Variants in RHOBTB1 observed in about 807,000 individuals in gnomAD.
The protein encoded by RHOBTB1 is rho-related BTB domain-containing protein 1.
Under a neutral mutation model 71.6 loss-of-function variants are expected in RHOBTB1, and 40 were observed. The ratio of observed to expected loss-of-function variants is 0.56; its 90% CI spans 0.43 to 0.73. RHOBTB1 has a LOEUF of 0.73. RHOBTB1 is among the 30% of genes least tolerant of loss of function. The pLI is 0.00. For missense variants in RHOBTB1, 797 were observed against 894.0 expected, an observed-to-expected ratio of 0.89 and a Z score of 1.38; for synonymous variants, 319 against 334.9, an observed-to-expected ratio of 0.95 and a Z score of 0.52.
chr10:60,982,241 A>G (rs978001936), intron 2 of RHOBTB1, among the ~76,000 whole-genome samples: 1 of 152,148 alleles, frequency 6.6e-6, no homozygotes, highest in Non-Finnish European at 1.5e-5. Context: ...AAAGGCACCT[A>G]TATATTGGCC....
intron 9 of RHOBTB1, 112 bp downstream of exon 9, chr10:60,874,842 G>T: frequency 1.3e-6 from 1 of 761,348 alleles, no homozygotes; most frequent in Non-Finnish European, 2.3e-6. Flanking sequence ...GGGGGACTCT[G>T]TGACTCAGTG....
intron 1 of RHOBTB1, among the ~76,000 whole-genome samples, chr10:60,990,097 C>T (rs772108405): frequency 2.0e-5 from 3 of 151,750 alleles, no homozygotes; most frequent in Non-Finnish European, 4.4e-5. Flanking sequence ...ATTCTCCTGC[C>T]TCAGCCTCCC....
At chr10:60,877,817 T>A (rs2081115317) in intron 8 of RHOBTB1, 91 bp downstream of exon 8, 1 of 1,352,378 alleles carries the variant, frequency 7.4e-7, no homozygotes, top group South Asian at 1.5e-5. Context: ...TGATAAAAAA[T>A]CAATTTTTAT....
chr10:60,861,622 CT>C, the RHOBTB1 span, among the ~76,000 whole-genome samples: 3 of 151,794 alleles, frequency 2.0e-5, no homozygotes, highest in East Asian at 5.8e-4. Context: ...ATCATTTCTC[CT>C]TTGGAACATG....
At chr10:60,913,131 G>A (rs796621830) in intron 2 of RHOBTB1, among the ~76,000 whole-genome samples, 5 of 152,300 alleles carry the variant, frequency 3.3e-5, no homozygotes, top group African/African-American at 1.2e-4. Context: ...TATATAGAAA[G>A]AATATTAAGA....
At chr10:60,894,144 G>A (rs2082054163) in intron 4 of RHOBTB1, among the ~76,000 whole-genome samples, 1 of 152,024 alleles carries the variant, frequency 6.6e-6, no homozygotes, top group African/African-American at 2.4e-5. Context: ...TATCAATGAA[G>A]ACAAACAAAT....
chr10:60,905,499 A>G (rs1304434421), intron 4 of RHOBTB1, among the ~76,000 whole-genome samples: 1 of 150,884 alleles, frequency 6.6e-6, no homozygotes, highest in African/African-American at 2.4e-5. Context: ...AAAAAAATCC[A>G]TGGTGGACAA....
At chr10:60,874,598 G>T (rs112298642) in intron 9 of RHOBTB1, among the ~76,000 whole-genome samples, 216 of 152,264 alleles carry the variant, frequency 1.4e-3, no homozygotes, top group African/African-American at 4.8e-3. Flanking sequence ...GAGGCACTAC[G>T]GGGCTTCATG....
intron 2 of RHOBTB1, among the ~76,000 whole-genome samples, chr10:60,961,141 G>A (rs2085762716): frequency 6.6e-6 from 1 of 152,116 alleles, no homozygotes; most frequent in South Asian, 2.1e-4. Context: ...GGTGACTTCA[G>A]TTGGTCTTCT....
At chr10:60,987,919 CTTTTT>C (rs71018937) in intron 1 of RHOBTB1, among the ~76,000 whole-genome samples, 1,649 of 53,552 alleles carry the variant, frequency 0.031, 18 homozygotes, top group African/African-American at 0.059. Flanking sequence ...AAATACTCAA[CTTTTT>C]TTTTTTTTTT....
chr10:60,907,689 C>T (rs2082748662), intron 4 of RHOBTB1, among the ~76,000 whole-genome samples: 1 of 152,120 alleles, frequency 6.6e-6, no homozygotes, highest in African/African-American at 2.4e-5. Context: ...TTCCTGAAGA[C>T]ATGGGGTCAA....
At chr10:60,899,046 C>T (rs1477604830) in intron 4 of RHOBTB1, among the ~76,000 whole-genome samples, 1 of 152,140 alleles carries the variant, frequency 6.6e-6, no homozygotes, top group East Asian at 1.9e-4. Flanking sequence ...AATGGCCTTG[C>T]CAAAGAAGGT....
At chr10:60,893,519 A>G (rs916645779) in intron 4 of RHOBTB1, among the ~76,000 whole-genome samples, 3 of 152,212 alleles carry the variant, frequency 2.0e-5, no homozygotes, top group African/African-American at 7.2e-5. Context: ...CCACTTATGC[A>G]CACATGTAGA....
rs2080711881 is a variant in RHOBTB1, at chr10:60,870,154, G to A, written c.*1328C>T. The A allele has an allele frequency of 6.6e-6, 1 of 152,564 alleles. No homozygotes were observed. Among genetic ancestry groups the A allele is most frequent in the Non-Finnish European group, 1.5e-5 (1 of 68,040 alleles). The allele number at this position is 152,564 out of a possible 1,614,324, so 9.5% of individuals were successfully genotyped here. On this transcript the variant is annotated 3_prime_UTR_variant, in exon 11 of 11. Coordinates refer to ENST00000337910, the MANE Select transcript of RHOBTB1 (RefSeq NM_014836.5). Reference sequence around the variant, plus strand: ...ATGCTCTCTGTGTGTGTATGTGTGTGCTGTAACATTTTAATTTACAGAGAA... The same window carrying A: ...ATGCTCTCTGTGTGTGTATGTGTGTACTGTAACATTTTAATTTACAGAGAA...
chr10:60,982,072 G>A (rs1049410360), intron 2 of RHOBTB1, among the ~76,000 whole-genome samples: 5 of 152,202 alleles, frequency 3.3e-5, no homozygotes, highest in Non-Finnish European at 5.9e-5. Context: ...TGGCTGGCCT[G>A]TAAGTTACTT....
At chr10:60,868,428 T>A (rs948234816), downstream of RHOBTB1, among the ~76,000 whole-genome samples, 1 of 152,218 alleles carries the variant, frequency 6.6e-6, no homozygotes, top group African/African-American at 2.4e-5. Flanking sequence ...CATAAAACTG[T>A]TTCCAAACTC....
intron 2 of RHOBTB1, among the ~76,000 whole-genome samples, chr10:60,982,431 T>C (rs1160430682): frequency 6.6e-6 from 1 of 152,226 alleles, no homozygotes; most frequent in Non-Finnish European, 1.5e-5. Context: ...TCAGGCATTG[T>C]GCTCATTGCA....
chr10:60,929,742 T>C (rs2084121760), intron 2 of RHOBTB1, among the ~76,000 whole-genome samples: 1 of 152,066 alleles, frequency 6.6e-6, no homozygotes, highest in Non-Finnish European at 1.5e-5. Flanking sequence ...ACTTTTTAAG[T>C]ATAAGGAGAA....
rs757879941 is a variant in RHOBTB1 at position 60,911,556 on chromosome 10, TAAG to T, written c.-10-7_-10-5del. On this transcript the variant is annotated splice_polypyrimidine_tract_variant and splice_region_variant and intron_variant, in intron 2 of 10. Coordinates refer to ENST00000337910, the MANE Select transcript of RHOBTB1 (RefSeq NM_014836.5). ...GTCAGCGTCCATTTATGAAACTCTGTAAGAAGAGAGTGAACACCACAGTAAGGA... is the reference window on the plus strand; with the variant it reads ...GTCAGCGTCCATTTATGAAACTCTGTAAGAGAGTGAACACCACAGTAAGGA... The T allele has an allele frequency of 1.9e-6, 3 of 1,611,070 alleles. No homozygotes were observed. The highest frequency in any genetic ancestry group is 2.2e-5 in the East Asian group (1 of 44,836).
Sources: gnomAD v4.1 joint callset for allele counts (sites outside exome capture counted in the v4.1 genomes callset) on GRCh38, gnomAD v4.1.1 for gene constraint, MANE v1.5 for transcripts, NCBI Gene and HGNC (gene_info 2026-07-23, HGNC 2026-07-21) for gene names.